Variants in TEAD1 observed in about 807,000 individuals in gnomAD.
The protein encoded by TEAD1 is transcriptional enhancer factor TEF-1.
TEAD1 carries 9 observed loss-of-function variants against 54.9 expected under a neutral mutation model. That is an observed-to-expected ratio of 0.16 (90% CI 0.10 to 0.29). The LOEUF is 0.29. Among genes scored for constraint, TEAD1 ranks in the 10% least tolerant of loss-of-function variants. The pLI, the probability that TEAD1 is intolerant of heterozygous loss-of-function variation, is 1.00. For synonymous variants in TEAD1, 200 were observed against 187.8 expected, an observed-to-expected ratio of 1.07 and a Z score of -0.53; for missense variants, 387 against 535.9, an observed-to-expected ratio of 0.72 and a Z score of 2.74.
intron 3 of TEAD1, among the ~76,000 whole-genome samples, chr11:12,833,379 C>T (rs1008550840): frequency 6.6e-6 from 1 of 152,126 alleles, no homozygotes; most frequent in African/African-American, 2.4e-5. Context: ...TCTTTGGCCT[C>T]CTTGTGCTGA....
intron 3 of TEAD1, among the ~76,000 whole-genome samples, chr11:12,805,195 A>G (rs998454923): frequency 1.1e-4 from 16 of 152,354 alleles, no homozygotes; most frequent in African/African-American, 3.4e-4. Context: ...TGAAAATTGT[A>G]TAAGTGAGCA....
At chr11:12,708,316 G>T (rs1240850045) in intron 2 of TEAD1, among the ~76,000 whole-genome samples, 1 of 151,940 alleles carries the variant, frequency 6.6e-6, no homozygotes, top group Non-Finnish European at 1.5e-5. Flanking sequence ...GCAGTGCCTG[G>T]TAAGGCTTTC....
At chr11:12,819,072 G>A (rs1030711607) in intron 3 of TEAD1, among the ~76,000 whole-genome samples, 1 of 152,114 alleles carries the variant, frequency 6.6e-6, no homozygotes, top group Non-Finnish European at 1.5e-5. Context: ...TGGTTTATGG[G>A]GACCAGAGAA....
chr11:12,685,876 G>A (rs1490329500), intron 2 of TEAD1, among the ~76,000 whole-genome samples: 1 of 152,132 alleles, frequency 6.6e-6, no homozygotes, highest in African/African-American at 2.4e-5. Flanking sequence ...CTTAAGAATG[G>A]GAGAAAATGG....
At chr11:12,876,578 G>A (rs1947858285) in intron 5 of TEAD1, among the ~76,000 whole-genome samples, 1 of 152,196 alleles carries the variant, frequency 6.6e-6, no homozygotes, top group Admixed American at 6.5e-5. Context: ...TGTCAGTCAG[G>A]CAGGCAAGAC....
chr11:12,761,208 A>G (rs983168964), intron 2 of TEAD1, among the ~76,000 whole-genome samples: 13 of 152,234 alleles, frequency 8.5e-5, no homozygotes, highest in Admixed American at 5.9e-4. Flanking sequence ...ATTCATACCT[A>G]TAGAAATAAT....
intron 5 of TEAD1, among the ~76,000 whole-genome samples, chr11:12,876,657 G>A (rs1315405455): frequency 6.6e-6 from 1 of 152,206 alleles, no homozygotes; most frequent in Non-Finnish European, 1.5e-5. Context: ...GTTCTGTGCT[G>A]AGGAAGGCAC....
chr11:12,894,806 C>T (rs1192989289), intron 9 of TEAD1, among the ~76,000 whole-genome samples: 1 of 152,196 alleles, frequency 6.6e-6, no homozygotes, highest in Non-Finnish European at 1.5e-5. Context: ...AGTAAAGAAA[C>T]ATCATGATTC....
At chr11:12,733,876 G>C (rs1944470964) in intron 2 of TEAD1, among the ~76,000 whole-genome samples, 1 of 152,214 alleles carries the variant, frequency 6.6e-6, no homozygotes, top group African/African-American at 2.4e-5. Flanking sequence ...GTAGGCCTAG[G>C]CTAATGTGTT....
intron 3 of TEAD1, among the ~76,000 whole-genome samples, chr11:12,779,660 T>A (rs992089248): frequency 6.6e-6 from 1 of 152,170 alleles, no homozygotes; most frequent in Non-Finnish European, 1.5e-5. Flanking sequence ...ATATCCCTTA[T>A]GAATATAGAT....
chr11:12,772,882 G>T lies in TEAD1; in HGVS notation c.202+8448G>T, dbSNP rs914740355. 2.0e-5 allele frequency among the ~76,000 whole-genome samples: 3 copies of T among 152,138 alleles called. No homozygotes were observed. The South Asian group carries it at 6.2e-4, about 31-fold the overall frequency. Reference sequence around the variant, plus strand: ...GTGTGTTAGTCTTGTGCAGGTTCATGTCTCCACCGCCACAATCAGAATACA... The same window carrying T: ...GTGTGTTAGTCTTGTGCAGGTTCATTTCTCCACCGCCACAATCAGAATACA... On this transcript the variant is annotated intron_variant, in intron 3 of 12. Transcript: ENST00000527636.
chr11:12,929,204 G>GTGTGTGTGTGTGT (rs746048067), intron 11 of TEAD1, among the ~76,000 whole-genome samples: 71 of 139,134 alleles, frequency 5.1e-4, no homozygotes, highest in African/African-American at 1.8e-3. Flanking sequence ...GTGTGTGTCT[G>GTGTGTGTGTGTGT]CTTTAGGGTT....
intron 3 of TEAD1, among the ~76,000 whole-genome samples, chr11:12,779,258 C>A (rs1165264997): frequency 1.3e-5 from 2 of 152,194 alleles, no homozygotes; most frequent in East Asian, 1.9e-4. Context: ...TAAGTAAACT[C>A]TCACTGTAGA....
intron 9 of TEAD1, among the ~76,000 whole-genome samples, chr11:12,884,872 G>A (rs772015898): frequency 3.9e-5 from 6 of 152,230 alleles, no homozygotes; most frequent in Admixed American, 6.5e-5. Flanking sequence ...GATGCCCTGC[G>A]TGACTCTGTC....
At chr11:12,777,031 G>A (rs1164522271) in intron 3 of TEAD1, among the ~76,000 whole-genome samples, 1 of 151,928 alleles carries the variant, frequency 6.6e-6, no homozygotes, top group Non-Finnish European at 1.5e-5. Context: ...GACCTCAGGT[G>A]ATCCTCCTGC....
At chr11:12,829,600 A>G (rs1489739830) in intron 3 of TEAD1, among the ~76,000 whole-genome samples, 1 of 151,946 alleles carries the variant, frequency 6.6e-6, no homozygotes, top group African/African-American at 2.4e-5. Context: ...CTGGCTAAAC[A>G]TTTTTCTTCC....
chr11:12,789,857 C>G (rs1336364940), intron 3 of TEAD1, among the ~76,000 whole-genome samples: 1 of 152,232 alleles, frequency 6.6e-6, no homozygotes, highest in Non-Finnish European at 1.5e-5. Flanking sequence ...AGACACTGCC[C>G]TACAGCCCAG....
At chr11:12,882,962 G>A in intron 8 of TEAD1, 39 bp from the exon 9 acceptor site, 2 of 1,614,086 alleles carry the variant, frequency 1.2e-6, no homozygotes, top group Non-Finnish European at 1.7e-6. Flanking sequence ...CCAAGGGGAG[G>A]TGAGTGACCA....
intron 3 of TEAD1, among the ~76,000 whole-genome samples, chr11:12,845,575 G>A (rs928612129): frequency 2.6e-5 from 4 of 152,208 alleles, no homozygotes; most frequent in African/African-American, 9.6e-5. Context: ...ACACGTGTGT[G>A]ATGGCTAAAT....
Sources: allele counts gnomAD v4.1 joint callset (sites outside exome capture counted in the v4.1 genomes callset), GRCh38; gene constraint gnomAD v4.1.1; transcripts MANE v1.5; gene names NCBI Gene and HGNC (gene_info 2026-07-23, HGNC 2026-07-21).